Variants in FRYL observed in about 807,000 individuals in gnomAD.
FRYL encodes FRY like transcription coactivator.
In FRYL, 150 loss-of-function variants were observed where a neutral mutation model predicts 351.2. The ratio of observed to expected loss-of-function variants is 0.43; its 90% CI spans 0.37 to 0.49. The LOEUF (loss-of-function observed/expected upper bound fraction) is 0.49. Among genes scored for constraint, FRYL ranks in the 20% least tolerant of loss-of-function variants. FRYL has a pLI of 0.00. For synonymous variants in FRYL, 1,153 were observed against 1,257.1 expected, an observed-to-expected ratio of 0.92 and a Z score of 1.75; for missense variants, 3,036 against 3,619.3, an observed-to-expected ratio of 0.84 and a Z score of 4.13.
At chr4:48,550,335 T>G (rs1732414351) in intron 38 of FRYL, among the ~76,000 whole-genome samples, 1 of 152,236 alleles carries the variant, frequency 6.6e-6, no homozygotes, top group African/African-American at 2.4e-5. Context: ...CAGTATTTGT[T>G]CTATGATGCT....
chr4:48,580,003 T>C (rs1236338408), intron 22 of FRYL, among the ~76,000 whole-genome samples: 2 of 152,046 alleles, frequency 1.3e-5, no homozygotes, highest in African/African-American at 2.4e-5. Context: ...ATTGTATCTA[T>C]TTAAAAATAA....
chr4:48,695,381 T>C (rs1766058815), intron 2 of FRYL, among the ~76,000 whole-genome samples: 2 of 152,144 alleles, frequency 1.3e-5, no homozygotes, highest in African/African-American at 4.8e-5. Flanking sequence ...AAGGTCTCCG[T>C]CATTTAAAGG....
chr4:48,713,443 A>C (rs1318494926), intron 1 of FRYL, among the ~76,000 whole-genome samples: 1 of 152,294 alleles, frequency 6.6e-6, no homozygotes, highest in East Asian at 1.9e-4. Context: ...AAGCAAATGG[A>C]AAACAAAAAA....
At position 48,643,841 on chromosome 4, in the gene FRYL, A is replaced by G. The variant is rs577743592; in HGVS notation, c.-80-9351T>C. 5.2e-4 allele frequency among the ~76,000 whole-genome samples: 79 copies of G among 152,296 alleles called. 1 individual carries two copies. The highest frequency in any genetic ancestry group is 1.9e-3 in the African/African-American group (77 of 41,580). The stretch of plus-strand genomic sequence containing the variant: ...CGCTTCCTAATATAAAAGAAGATAT[A>G]AAAGAAGATCTGAACATGTGGAAAG... On this transcript the variant is annotated intron_variant, in intron 3 of 63. Transcript: ENST00000358350.
chr4:48,590,925 G>C (rs1743108295), intron 16 of FRYL, 95 bp from the exon 17 acceptor site: 1 of 902,446 alleles, frequency 1.1e-6, no homozygotes. Context: ...CAGAGTTGGG[G>C]GGTGGAAGGA....
At chr4:48,568,604 G>A (rs1578158985) in intron 27 of FRYL, among the ~76,000 whole-genome samples, 1 of 151,358 alleles carries the variant, frequency 6.6e-6, no homozygotes, top group Non-Finnish European at 1.5e-5. Context: ...GAGTAACTTC[G>A]GAATAAATAC....
chr4:48,634,452 A>G lies in FRYL; in HGVS notation c.-42T>C. 1 of 1,612,226 alleles carries G rather than the reference A, an allele frequency of 6.2e-7. No homozygotes were observed. Among genetic ancestry groups the G allele is most frequent in the Non-Finnish European group, 8.5e-7 (1 of 1,178,798 alleles). ...CCCCAAGTGGAATGAAAGTTGGAAG[A>G]AGCACAGTATTTATTTACTTTGCTG... is the stretch of plus-strand genomic sequence containing the variant. On this transcript the variant is annotated 5_prime_UTR_variant, in exon 4 of 64. Coordinates refer to ENST00000358350, the MANE Select transcript of FRYL (RefSeq NM_015030.2).
At chr4:48,776,391 C>T (rs1375172173) in intron 1 of FRYL, among the ~76,000 whole-genome samples, 1 of 152,160 alleles carries the variant, frequency 6.6e-6, no homozygotes, top group African/African-American at 2.4e-5. Flanking sequence ...CATAAATACA[C>T]ACTTTCCAAA....
intron 11 of FRYL, among the ~76,000 whole-genome samples, chr4:48,604,390 G>C (rs1408388589): frequency 6.6e-6 from 1 of 152,224 alleles, no homozygotes; most frequent in Non-Finnish European, 1.5e-5. Flanking sequence ...ACAGACATCA[G>C]AAGGTGACTT....
chr4:48,573,552 C>A (rs1738848500), intron 25 of FRYL, among the ~76,000 whole-genome samples: 1 of 152,022 alleles, frequency 6.6e-6, no homozygotes, highest in Admixed American at 6.6e-5. Context: ...AAAATGGTAT[C>A]CTTTTTTATT....
chr4:48,674,735 T>TGAAAAA (rs1763281405), intron 3 of FRYL, among the ~76,000 whole-genome samples: 1 of 634 alleles, frequency 1.6e-3, no homozygotes, highest in African/African-American at 3.4e-3. Context: ...AGACTCTGTC[T>TGAAAAA]CAAAAAAAAA....
At chr4:48,755,693 C>T (rs1773701405) in intron 1 of FRYL, among the ~76,000 whole-genome samples, 1 of 151,944 alleles carries the variant, frequency 6.6e-6, no homozygotes, top group Non-Finnish European at 1.5e-5. Context: ...GTAATCAAAG[C>T]CAATGTTTTT....
intron 35 of FRYL, among the ~76,000 whole-genome samples, chr4:48,553,716 C>G (rs1733432162): frequency 6.6e-6 from 1 of 150,622 alleles, no homozygotes; most frequent in Non-Finnish European, 1.5e-5. Context: ...TTAATGGAAA[C>G]ACAGGTAATA....
intron 2 of FRYL, among the ~76,000 whole-genome samples, chr4:48,685,353 T>C (rs1765041527): frequency 6.6e-6 from 1 of 152,204 alleles, no homozygotes; most frequent in Non-Finnish European, 1.5e-5. Context: ...ATACAGGCAA[T>C]TGTGACCATA....
At chr4:48,505,394 G>T in intron 60 of FRYL, 153 bp downstream of exon 60, 22 of 615,352 alleles carry the variant, frequency 3.6e-5, no homozygotes, top group Middle Eastern at 2.6e-4. Context: ...GTATTTCATT[G>T]AGCTTTTACA....
At chr4:48,568,807 G>C (rs1369601931) in intron 27 of FRYL, among the ~76,000 whole-genome samples, 1 of 152,066 alleles carries the variant, frequency 6.6e-6, no homozygotes, top group Non-Finnish European at 1.5e-5. Flanking sequence ...CCTACTAGTG[G>C]ATAGGAAACT....
rs1194803214 is a variant in FRYL at position 48,650,847 on chromosome 4, G to C, written c.-80-16357C>G. Among the ~76,000 whole-genome samples the C allele has an allele frequency of 2.0e-5, 3 of 152,150 alleles. No individual in the cohort carries two copies. The East Asian group carries it at 5.8e-4, about 29-fold the overall frequency. ...TGATGATGAAGAGAGGCCTGAACTA[G>C]GATAGTGGCTGTGGAGAGGAGAGAC... is the stretch of plus-strand genomic sequence containing the variant. On this transcript the variant is annotated intron_variant, in intron 3 of 63. Coordinates refer to ENST00000358350, the MANE Select transcript of FRYL (RefSeq NM_015030.2).
intron 3 of FRYL, among the ~76,000 whole-genome samples, chr4:48,666,534 T>C (rs1164790794): frequency 2.0e-5 from 3 of 152,152 alleles, no homozygotes; most frequent in African/African-American, 4.8e-5. Flanking sequence ...CAAAATGCAC[T>C]GTATTCAAAG....
rs757702182 is a variant in FRYL at position 48,606,465 on chromosome 4, A to G, written c.714T>C (p.Asp238=). 3.1e-6 allele frequency: 5 copies of G among 1,610,448 alleles called. No homozygotes were observed. Among genetic ancestry groups the G allele is most frequent in the Non-Finnish European group, 4.2e-6 (5 of 1,177,452 alleles). The change falls in exon 10 of 64, where the codon GAT becomes GAC. Residue 238 remains aspartate (D), a synonymous_variant. Transcript: ENST00000358350. The stretch of plus-strand genomic sequence containing the variant: ...GCATAAATTGAAATGATGCTTCAAA[A>G]TCTTCTACAGGATACATTTTTACTC... The part of the protein sequence containing the change: ...FFRVKMYPVE[D]FEASFQFMQE...
Sources: allele counts gnomAD v4.1 joint callset (sites outside exome capture counted in the v4.1 genomes callset), GRCh38; gene constraint gnomAD v4.1.1; transcripts MANE v1.5; gene names NCBI Gene and HGNC (gene_info 2026-07-23, HGNC 2026-07-21).